Variants in CSMD1 observed in about 807,000 individuals in gnomAD.
CSMD1 encodes CUB and sushi domain-containing protein 1.
CSMD1 carries 213 observed loss-of-function variants against 417.5 expected under a neutral mutation model. The ratio of observed to expected loss-of-function variants is 0.51; its 90% CI spans 0.46 to 0.57. The LOEUF is 0.57. Among genes scored for constraint, CSMD1 ranks in the 20% least tolerant of loss-of-function variants. The pLI is 0.00. For missense variants in CSMD1, 6,923 were observed against 4,529.7 expected, an observed-to-expected ratio of 1.53 and a Z score of -15.17; for synonymous variants, 2,862 against 1,736.8, an observed-to-expected ratio of 1.65 and a Z score of -16.11.
chr8:4,758,772 C>T (rs1003916769), intron 1 of CSMD1, among the ~76,000 whole-genome samples: 2 of 152,138 alleles, frequency 1.3e-5, no homozygotes, highest in Non-Finnish European at 2.9e-5. Flanking sequence ...TGAGAAGTCC[C>T]TCAATGTCAT....
chr8:3,938,450 T>C (rs896569810), intron 5 of CSMD1, among the ~76,000 whole-genome samples: 6 of 152,304 alleles, frequency 3.9e-5, no homozygotes, highest in South Asian at 2.1e-4. Flanking sequence ...CTTTGTGCAG[T>C]GGATCTGTGG....
chr8:4,147,011 G>T (rs1050982907), intron 3 of CSMD1, among the ~76,000 whole-genome samples: 2 of 151,858 alleles, frequency 1.3e-5, no homozygotes, highest in African/African-American at 4.8e-5. Flanking sequence ...CCACTCAGAG[G>T]CCAGGAGAGT....
intron 51 of CSMD1, among the ~76,000 whole-genome samples, chr8:3,021,430 A>C (rs1431876192): frequency 6.6e-6 from 1 of 152,230 alleles, no homozygotes; most frequent in East Asian, 1.9e-4. Context: ...CACTACTAAA[A>C]ATAGGCTTTG....
At chr8:4,202,555 C>T (rs1033227683) in intron 3 of CSMD1, among the ~76,000 whole-genome samples, 3 of 152,242 alleles carry the variant, frequency 2.0e-5, no homozygotes, top group East Asian at 1.9e-4. Flanking sequence ...ACATCAGCCT[C>T]GACAAATTAC....
intron 54 of CSMD1, among the ~76,000 whole-genome samples, chr8:2,996,780 A>G (rs1806934696): frequency 6.6e-6 from 1 of 152,266 alleles, no homozygotes; most frequent in Non-Finnish European, 1.5e-5. Flanking sequence ...TTCAACCCTA[A>G]TTCTGCACAT....
At chr8:3,855,577 T>C (rs1804242883) in intron 5 of CSMD1, among the ~76,000 whole-genome samples, 1 of 152,136 alleles carries the variant, frequency 6.6e-6, no homozygotes, top group African/African-American at 2.4e-5. Context: ...ATTAACTGAG[T>C]TTCAGTTGGT....
intron 3 of CSMD1, among the ~76,000 whole-genome samples, chr8:4,055,956 C>G (rs73500940): frequency 0.015 from 2,220 of 151,988 alleles, 50 homozygotes; most frequent in East Asian, 0.09. Context: ...TAAAATGAAA[C>G]ACACCCTACC....
At chr8:4,619,462 G>T (rs1301646413) in intron 2 of CSMD1, among the ~76,000 whole-genome samples, 3 of 152,160 alleles carry the variant, frequency 2.0e-5, no homozygotes, top group Non-Finnish European at 4.4e-5. Flanking sequence ...TAGTGTAGTA[G>T]AAGTAGCAAG....
rs1329899000 is a variant in CSMD1 at position 4,062,385 on chromosome 8, A to G, written c.416-30286T>C. On this transcript the variant is annotated intron_variant, in intron 3 of 69. Transcript: ENST00000635120. Reference sequence around the variant, plus strand: ...GACAATGGCTTTTTCTCAAGCAATAAGAGGGCAATGAGACCAATCGGTTGT... The same window carrying G: ...GACAATGGCTTTTTCTCAAGCAATAGGAGGGCAATGAGACCAATCGGTTGT... Among the ~76,000 whole-genome samples, 17 of 152,108 alleles carry G rather than the reference A, an allele frequency of 1.1e-4. 1 individual carries two copies. The highest frequency in any genetic ancestry group is 2.5e-4 in the Non-Finnish European group (17 of 68,044).
chr8:4,066,960 G>C (rs571863434), intron 3 of CSMD1, among the ~76,000 whole-genome samples: 1 of 152,318 alleles, frequency 6.6e-6, no homozygotes, highest in Admixed American at 6.5e-5. Context: ...CCTCAGGGTG[G>C]AACCTAATGA....
intron 1 of CSMD1, among the ~76,000 whole-genome samples, chr8:4,808,481 A>T (rs752137382): frequency 6.6e-6 from 1 of 152,182 alleles, no homozygotes; most frequent in Non-Finnish European, 1.5e-5. Context: ...TGTACTCTCA[A>T]ATAATAATCA....
intron 5 of CSMD1, among the ~76,000 whole-genome samples, chr8:3,866,981 C>T (rs1048596102): frequency 2.0e-5 from 3 of 152,152 alleles, no homozygotes; most frequent in South Asian, 2.1e-4. Flanking sequence ...TTTGCTTATA[C>T]CATAAAAGTG....
At chr8:4,259,001 G>A (rs918962511) in intron 3 of CSMD1, among the ~76,000 whole-genome samples, 3 of 152,186 alleles carry the variant, frequency 2.0e-5, no homozygotes, top group East Asian at 1.9e-4. Flanking sequence ...ATTTCCTGCA[G>A]AAGAGACGTT....
chr8:4,809,364 C>T (rs1238411700), intron 1 of CSMD1, among the ~76,000 whole-genome samples: 3 of 152,188 alleles, frequency 2.0e-5, no homozygotes, highest in Non-Finnish European at 4.4e-5. Context: ...ACAACTGCTT[C>T]TAAAATCTCC....
At chr8:3,724,098 T>A (rs1802346510) in intron 6 of CSMD1, among the ~76,000 whole-genome samples, 1 of 52,378 alleles carries the variant, frequency 1.9e-5, no homozygotes, top group South Asian at 5.6e-4. Context: ...GCACAGCACA[T>A]TAAATACGAA....
intron 12 of CSMD1, among the ~76,000 whole-genome samples, chr8:3,456,246 C>T (rs544385603): frequency 5.9e-5 from 9 of 152,186 alleles, no homozygotes; most frequent in East Asian, 3.9e-4. Flanking sequence ...ATTCCCTGAC[C>T]GCTTGCTCTT....
intron 2 of CSMD1, among the ~76,000 whole-genome samples, chr8:4,457,508 T>G (rs1799562724): frequency 6.6e-6 from 1 of 152,184 alleles, no homozygotes; most frequent in Non-Finnish European, 1.5e-5. Context: ...AATGATCATC[T>G]GGACATACCC....
chr8:3,496,093 G>C (rs534964857), intron 10 of CSMD1, among the ~76,000 whole-genome samples: 1 of 152,216 alleles, frequency 6.6e-6, no homozygotes, highest in Non-Finnish European at 1.5e-5. Flanking sequence ...GATGTGTGTT[G>C]TTCCTCTCCC....
chr8:3,957,764 A>G (rs1201639737), intron 5 of CSMD1, among the ~76,000 whole-genome samples: 2 of 152,136 alleles, frequency 1.3e-5, no homozygotes, highest in African/African-American at 2.4e-5. Flanking sequence ...AAGTATGAAT[A>G]TCTATTTTCC....
Sources: gnomAD v4.1 joint callset for allele counts (sites outside exome capture counted in the v4.1 genomes callset) on GRCh38, gnomAD v4.1.1 for gene constraint, MANE v1.5 for transcripts, NCBI Gene and HGNC (gene_info 2026-07-23, HGNC 2026-07-21) for gene names.